Variants in FBN1 observed in about 807,000 individuals in gnomAD.
FBN1 encodes the protein fibrillin 1.
Under a neutral mutation model 365.1 loss-of-function variants are expected in FBN1, and 29 were observed. The ratio of observed to expected loss-of-function variants is 0.08; its 90% CI spans 0.06 to 0.11. FBN1 has a LOEUF of 0.11. Ranked by LOEUF, FBN1 falls within the 10% of genes least tolerant of loss-of-function variation. FBN1 has a pLI of 1.00. For synonymous variants in FBN1, 1,210 were observed against 1,270.5 expected (o/e 0.95, Z 1.01); for missense variants, 2,476 against 3,703.2 (o/e 0.67, Z 8.60).
intron 11 of FBN1, among the ~76,000 whole-genome samples, chr15:48,515,821 T>C (rs1009341320): frequency 6.6e-6 from 1 of 152,174 alleles, no homozygotes; most frequent in Non-Finnish European, 1.5e-5. Flanking sequence ...GATATTGGTA[T>C]TGAACTACTT....
Position 48,495,126 on chromosome 15 carries a change from C to T in FBN1, c.2674G>A (p.Val892Ile), listed in dbSNP as rs758357747. ...AWGSPCTLCQ[V>I]DPICGKGYSR... ...CCACAGCATGGGTTTCTCTTACCAA[C>T]TTGGCATAGGGTGCACGGGCTTCCC... Residue 892 changes from valine (V) to isoleucine (I), a missense_variant, in exon 22 of 66, where the codon GTT (valine) becomes ATT (isoleucine). By Grantham distance (29) the Val-to-Ile change is conservative (BLOSUM62 3). Coordinates refer to ENST00000316623, the MANE Select transcript of FBN1 (RefSeq NM_000138.5). 5.0e-6 allele frequency: 8 copies of T among 1,614,046 alleles called. No homozygotes were observed. In the South Asian group the frequency reaches 8.8e-5, roughly 18 times the overall value.
intron 53 of FBN1, among the ~76,000 whole-genome samples, chr15:48,436,245 T>C (rs1431987576): frequency 6.6e-6 from 1 of 152,148 alleles, no homozygotes; most frequent in Non-Finnish European, 1.5e-5. Flanking sequence ...AATATTATAT[T>C]CTAAGGCCTA....
intron 44 of FBN1, 130 bp from the exon 45 acceptor site, chr15:48,452,814 C>G: frequency 9.6e-7 from 1 of 1,046,128 alleles, no homozygotes; most frequent in Non-Finnish European, 1.4e-6. Context: ...TAGATGTGTA[C>G]AGCAGCTTTA....
intron 31 of FBN1, among the ~76,000 whole-genome samples, chr15:48,482,558 C>T (rs1268500362): frequency 1.3e-5 from 2 of 152,068 alleles, no homozygotes; most frequent in African/African-American, 4.8e-5. Flanking sequence ...GGAGGAGGTA[C>T]CAGATGGAGC....
chr15:48,422,606 T>C (rs2042952272), intron 60 of FBN1, among the ~76,000 whole-genome samples: 1 of 152,134 alleles, frequency 6.6e-6, no homozygotes, highest in Non-Finnish European at 1.5e-5. Flanking sequence ...AATTGAGCAA[T>C]CAGGAAGGAA....
chr15:48,609,288 A>G (rs2044639321), intron 4 of FBN1, among the ~76,000 whole-genome samples: 1 of 152,258 alleles, frequency 6.6e-6, no homozygotes, highest in Non-Finnish European at 1.5e-5. Context: ...CAGTGCAATA[A>G]GCAAGAGTCC....
chr15:48,426,606 C>T (rs1054191744), intron 58 of FBN1, among the ~76,000 whole-genome samples: 6 of 152,012 alleles, frequency 3.9e-5, no homozygotes, highest in African/African-American at 7.2e-5. Flanking sequence ...GGCGAAGTGC[C>T]GATACAAGCA....
intron 54 of FBN1, 88 bp downstream of exon 54, chr15:48,434,506 A>AG: frequency 6.7e-7 from 1 of 1,500,474 alleles, no homozygotes; most frequent in Non-Finnish European, 9.3e-7. Flanking sequence ...ATACACCCTG[A>AG]GTTGTATTTA....
chr15:48,564,731 G>T (rs1363880331), intron 6 of FBN1, among the ~76,000 whole-genome samples: 1 of 152,118 alleles, frequency 6.6e-6, no homozygotes, highest in Non-Finnish European at 1.5e-5. Context: ...CAGAAACTTG[G>T]CTTGGAAGGA....
chr15:48,529,617 A>G (rs2043950265), intron 8 of FBN1: 1 of 152,248 alleles, frequency 6.6e-6, no homozygotes, highest in African/African-American at 2.4e-5. Context: ...CTGCCTAGAT[A>G]CTAATACAAT....
intron 35 of FBN1, among the ~76,000 whole-genome samples, chr15:48,471,029 C>T (rs1167386958): frequency 6.6e-6 from 1 of 151,986 alleles, no homozygotes; most frequent in Non-Finnish European, 1.5e-5. Flanking sequence ...CCACGTAGGT[C>T]CACATCACTT....
chr15:48,418,616 C>T (rs377629957), intron 63 of FBN1, among the ~76,000 whole-genome samples: 9 of 152,184 alleles, frequency 5.9e-5, no homozygotes, highest in African/African-American at 2.2e-4. Context: ...CACTCTGGAG[C>T]AAATGACTCC....
chr15:48,623,057 C>G (rs1394942443), intron 2 of FBN1, among the ~76,000 whole-genome samples: 1 of 152,194 alleles, frequency 6.6e-6, no homozygotes. Context: ...CCACCACCCC[C>G]TTTACTCCCA....
At chr15:48,425,586 G>A (rs1477077653) in intron 59 of FBN1, 95 bp from the exon 60 acceptor site, 21 of 1,573,714 alleles carry the variant, frequency 1.3e-5, no homozygotes, top group Non-Finnish European at 1.7e-5. Flanking sequence ...TAGTTTCGGG[G>A]AAAGAAAAAG....
chr15:48,618,145 C>T (rs1221041599), intron 2 of FBN1, among the ~76,000 whole-genome samples: 2 of 152,042 alleles, frequency 1.3e-5, no homozygotes, highest in East Asian at 3.9e-4. Flanking sequence ...AAGGTACATG[C>T]CCTCACACAA....
In FBN1 at chr15:48,537,799, G is replaced by A; in HGVS notation, c.548C>T (p.Thr183Ile). ...GCTGATCACAGTAAAACATGGGCCTGTCCTGTAATCTGAAAATAAAGAATA... is the reference window on the plus strand; with the variant it reads ...GCTGATCACAGTAAAACATGGGCCTATCCTGTAATCTGAAAATAAAGAATA... ...TGPQCERDYR[T>I]GPCFTVISNQ... is the part of the protein sequence containing the mutation. The change falls in exon 7 of 66, where the codon ACA becomes ATA. Residue 183 changes from threonine (T) to isoleucine (I), a missense_variant. Thr to Ile is a moderately conservative substitution (Grantham distance 89, BLOSUM62 -1). This residue lies in a region of FBN1 where 421 missense variants were observed against 520.1 expected (regional missense o/e 0.81). Transcript: ENST00000316623. The A allele has an allele frequency of 5.0e-6, 8 of 1,614,098 alleles. No homozygotes were observed. The highest frequency in any genetic ancestry group is 6.8e-6 in the Non-Finnish European group (8 of 1,179,964).
rs929034319 is a variant in FBN1, at chr15:48,409,598, T to C, written c.*1392A>G. On this transcript the variant is annotated 3_prime_UTR_variant, in exon 66 of 66. Transcript: ENST00000316623. ...ATTAAGAAACCAAAAGTTACAGCAA[T>C]TGGATACAGTCTGGGATTATCCCTT... 6.6e-6 allele frequency: 1 copy of C among 152,106 alleles called. No homozygotes were observed. The highest frequency in any genetic ancestry group is 1.5e-5 in the Non-Finnish European group (1 of 68,018). 9.4% of individuals were successfully genotyped at this position (152,106 alleles called of 1,614,324 possible).
chr15:48,641,328 G>C (rs868714519), intron 2 of FBN1: 3 of 151,876 alleles, frequency 2.0e-5, no homozygotes, highest in Non-Finnish European at 4.4e-5. Flanking sequence ...ACCTGCAACA[G>C]GGGGGGAGGA....
chr15:48,564,668 C>T (rs1167308362), intron 6 of FBN1, among the ~76,000 whole-genome samples: 3 of 152,162 alleles, frequency 2.0e-5, no homozygotes, highest in Non-Finnish European at 4.4e-5. Context: ...ATCCTAGTTT[C>T]TCACTATCCT....
Sources: allele counts gnomAD v4.1 joint callset (sites outside exome capture counted in the v4.1 genomes callset), GRCh38; gene constraint gnomAD v4.1.1; regional missense constraint gnomAD v4.1.1; transcripts MANE v1.5; gene names NCBI Gene and HGNC (gene_info 2026-07-23, HGNC 2026-07-21).